The following BOD1 variants were observed in gnomAD, a reference collection of about 807,000 sequenced individuals.
BOD1 encodes the protein biorientation of chromosomes in cell division 1, also known as biorientation of chromosomes in cell division protein 1.
BOD1 carries 11 observed loss-of-function variants against 15.7 expected under a neutral mutation model. The ratio of observed to expected loss-of-function variants is 0.70; its 90% CI spans 0.44 to 1.16. The LOEUF is 1.16. Ranked by LOEUF, BOD1 falls within the 50% of genes most tolerant of loss-of-function variation. The pLI, the probability that BOD1 is intolerant of heterozygous loss-of-function variation, is 0.00. For missense variants in BOD1, 182 were observed against 244.5 expected, an observed-to-expected ratio of 0.74 and a Z score of 1.70; for synonymous variants, 105 against 103.5, an observed-to-expected ratio of 1.01 and a Z score of -0.09.
At position 173,607,272 on chromosome 5, in the gene BOD1, G is replaced by A. The variant is rs976055612; in HGVS notation, c.*1022C>T. Among the ~76,000 whole-genome samples the A allele has an allele frequency of 6.6e-6, 1 of 152,156 alleles. No individual in the cohort carries two copies. Among genetic ancestry groups the A allele is most frequent in the Non-Finnish European group, 1.5e-5 (1 of 68,042 alleles). On this transcript the variant is annotated 3_prime_UTR_variant, in exon 4 of 4. Coordinates refer to ENST00000311086, the MANE Select transcript of BOD1 (RefSeq NM_138369.3). ...TGCATTTTCCCTTAAATCCCCAGGT[G>A]CTACTTCTGCACACACAAGGATGAC...
chr5:173,607,376 C>G lies in BOD1; in HGVS notation c.*918G>C, dbSNP rs571017159. 2.0e-5 allele frequency: 3 copies of G among 152,314 alleles called. No homozygotes were observed. The highest frequency in any genetic ancestry group is 7.2e-5 in the African/African-American group (3 of 41,558). The allele number at this position is 152,314 out of a possible 1,614,324, so 9.4% of individuals were successfully genotyped here. On this transcript the variant is annotated 3_prime_UTR_variant, in exon 4 of 4. Transcript: ENST00000311086. ...GCTCAGGGAGGAGAGAAACAGCCCA[C>G]TACTAGCTACACCTACTAGTTTCAT...
chr5:173,613,190 T>C lies in BOD1; in HGVS notation c.303A>G (p.Glu101=), dbSNP rs376035057. ...GGTTTTTGTTCATCGTAGGATTCCA[T>C]TCCTGCTTGTCCAGATGTGTTGACA... ...NFVSTHLDKQ[E]WNPTMNKNQL... Residue 101 remains glutamate, a synonymous_variant, in exon 2 of 4, where the codon GAA becomes GAG. Transcript: ENST00000311086. 1.3e-5 allele frequency: 21 copies of C among 1,614,186 alleles called. No homozygotes were observed. The highest frequency in any genetic ancestry group is 6.7e-5 in the African/African-American group (5 of 75,074).
intron 1 of BOD1, among the ~76,000 whole-genome samples, 158 bp downstream of exon 1, chr5:173,616,042 C>T (rs560913663): frequency 1.3e-5 from 2 of 152,350 alleles, no homozygotes; most frequent in African/African-American, 4.8e-5. Context: ...GTGTGCATCG[C>T]TCAGAAAGCT....
intron 1 of BOD1, among the ~76,000 whole-genome samples, chr5:173,614,476 T>C (rs970294238): frequency 3.9e-5 from 6 of 152,250 alleles, no homozygotes; most frequent in African/African-American, 9.6e-5. Context: ...TGTTCACTTA[T>C]CAGTTCAAAG....
intron 3 of BOD1, among the ~76,000 whole-genome samples, chr5:173,608,558 G>T (rs1312828317): frequency 6.6e-6 from 1 of 152,118 alleles, no homozygotes; most frequent in Non-Finnish European, 1.5e-5. Flanking sequence ...ATCTTAAAAA[G>T]AACACCAAAT....
At chr5:173,613,003 T>C (rs910784675) in intron 2 of BOD1, 128 bp downstream of exon 2, 11 of 1,216,924 alleles carry the variant, frequency 9.0e-6, no homozygotes, top group Non-Finnish European at 1.3e-5. Context: ...AAGAGCAGAC[T>C]GCTGCAACTC....
At chr5:173,610,756 C>G (rs773276471) in intron 2 of BOD1, among the ~76,000 whole-genome samples, 2 of 152,182 alleles carry the variant, frequency 1.3e-5, no homozygotes, top group Admixed American at 6.5e-5. Context: ...GCCTGTGTCC[C>G]CCAGACTTCC....
intron 2 of BOD1, among the ~76,000 whole-genome samples, chr5:173,611,543 AAAC>A (rs1489428972): frequency 5.6e-4 from 85 of 150,522 alleles, no homozygotes; most frequent in Middle Eastern, 3.4e-3. Context: ...AAAAAAAAAA[AAAC>A]AACAACTTCA....
chr5:173,609,906 G>A (rs967728672), intron 2 of BOD1, among the ~76,000 whole-genome samples: 11 of 152,206 alleles, frequency 7.2e-5, no homozygotes, highest in Admixed American at 3.9e-4. Flanking sequence ...AAACAAGGCC[G>A]ATCAGTCAGG....
chr5:173,610,968 A>G lies in BOD1; in HGVS notation c.363-1534T>C, dbSNP rs1438212149. ...TGCCTGCAAGAAGGCCTTCCCCTGA[A>G]CCTGACCATGCTGGCATCTTGGTCT... On this transcript the variant is annotated intron_variant, in intron 2 of 3. Transcript: ENST00000311086. Among the ~76,000 whole-genome samples, 5 of 152,154 alleles carry G rather than the reference A, an allele frequency of 3.3e-5. No individual in the cohort carries two copies. The South Asian group carries it at 1.0e-3, about 32-fold the overall frequency.
At chr5:173,612,407 G>A (rs759588397) in intron 2 of BOD1, among the ~76,000 whole-genome samples, 7 of 152,144 alleles carry the variant, frequency 4.6e-5, no homozygotes, top group Non-Finnish European at 5.9e-5. Context: ...AGCTCCGTGC[G>A]ACTTTACCAT....
intron 2 of BOD1, among the ~76,000 whole-genome samples, chr5:173,611,987 A>G (rs1755367020): frequency 1.3e-5 from 2 of 152,234 alleles, no homozygotes; most frequent in South Asian, 4.1e-4. Context: ...AGTGCCAGAC[A>G]TGTAATAAAG....
Position 173,616,575 on chromosome 5 carries a change from C to T in BOD1, c.-139G>A, listed in dbSNP as rs1325539718. On this transcript the variant is annotated 5_prime_UTR_variant, in exon 1 of 4. Transcript: ENST00000311086. ...GCAGCGGCGGAGGTGGCGATGGCGG[C>T]AGGGGCGGTGGTGGGGGCGGCGGCG... is the stretch of plus-strand genomic sequence containing the variant. The T allele has an allele frequency of 1.5e-6, 2 of 1,373,410 alleles. No individual in the cohort carries two copies. Among genetic ancestry groups the T allele is most frequent in the East Asian group, 3.1e-5 (1 of 32,354 alleles). 85.1% of individuals were successfully genotyped at this position (1,373,410 alleles called of 1,614,324 possible).
In BOD1 at chr5:173,608,271, T is replaced by C. The variant is rs1411064689; in HGVS notation, c.*23A>G. 6.2e-7 allele frequency: 1 copy of C among 1,612,400 alleles called. No homozygotes were observed. Among genetic ancestry groups the C allele is most frequent in the Non-Finnish European group, 8.5e-7 (1 of 1,178,394 alleles). ...TCCATTTCTTCACCAAAAATTAGCT[T>C]TCAAAAGGTGTCTGGCGTATTCTAA... On this transcript the variant is annotated 3_prime_UTR_variant, in exon 4 of 4. Coordinates refer to ENST00000311086, the MANE Select transcript of BOD1 (RefSeq NM_138369.3).
intron 2 of BOD1, among the ~76,000 whole-genome samples, chr5:173,610,986 CTTGGTCT>C (rs1755335469): frequency 1.3e-5 from 2 of 152,210 alleles, no homozygotes. Context: ...ATGCTGGCAT[CTTGGTCT>C]TGGACTTCTA....
At chr5:173,609,467 A>T in intron 2 of BOD1, 33 bp from the exon 3 acceptor site, 1 of 1,267,692 alleles carries the variant, frequency 7.9e-7, no homozygotes, top group Non-Finnish European at 1.1e-6. Context: ...TCTGTTATTT[A>T]GTTCCTTCGG....
At chr5:173,615,318 A>T (rs1755465427) in intron 1 of BOD1, among the ~76,000 whole-genome samples, 1 of 152,228 alleles carries the variant, frequency 6.6e-6, no homozygotes, top group Admixed American at 6.5e-5. Flanking sequence ...GAGGCCAATA[A>T]ACGTTCAACG....
intron 3 of BOD1, 90 bp downstream of exon 3, chr5:173,609,148 T>G: frequency 7.3e-7 from 1 of 1,370,108 alleles, no homozygotes; most frequent in Non-Finnish European, 1.0e-6. Context: ...TCCTGAATGA[T>G]CCTCAATTAC....
chr5:173,608,816 C>T (rs752587129), intron 3 of BOD1, among the ~76,000 whole-genome samples: 3 of 152,184 alleles, frequency 2.0e-5, no homozygotes, highest in African/African-American at 4.8e-5. Context: ...GAAATCGAGT[C>T]GCACTCAAAG....
Sources: allele counts gnomAD v4.1 joint callset (sites outside exome capture counted in the v4.1 genomes callset), GRCh38; gene constraint gnomAD v4.1.1; transcripts MANE v1.5; gene names NCBI Gene and HGNC (gene_info 2026-07-23, HGNC 2026-07-21).